The following DROSHA variants were observed in gnomAD, a reference collection of about 807,000 sequenced individuals.
DROSHA encodes ribonuclease 3.
In DROSHA, 56 loss-of-function variants were observed where a neutral mutation model predicts 181.9. The ratio of observed to expected loss-of-function variants is 0.31; its 90% confidence interval spans 0.25 to 0.38. DROSHA has a LOEUF of 0.38. Among genes scored for constraint, DROSHA ranks in the 10% least tolerant of loss-of-function variants. The pLI is 1.00. For missense variants in DROSHA, 1,218 were observed against 1,743.5 expected (o/e 0.70, Z 5.37); for synonymous variants, 524 against 591.2 (o/e 0.89, Z 1.65).
rs55865481 is a variant in DROSHA, at chr5:31,514,662, A to T, written c.1290+326T>A. Among the ~76,000 whole-genome samples the T allele has an allele frequency of 0.36, 54,935 of 151,956 alleles. 12,280 individuals are homozygous for T. The highest frequency in any genetic ancestry group is 0.5 in the Non-Finnish European group (33,807 of 67,922). On this transcript the variant is annotated intron_variant, in intron 8 of 35. Transcript: ENST00000344624. This position sits in a 1 kb window ranked among gnomAD's most constrained non-coding sequence, Gnocchi z 4.4. ...CCTGTCTCAAAAATAAATAAATAAA[A>T]ATGCATTATAAAAAGATATTTTAAT...
In DROSHA at chr5:31,521,186, C is replaced by T. The variant is rs766534905; in HGVS notation, c.884G>A (p.Arg295Gln). 2.5e-6 allele frequency: 4 copies of T among 1,613,618 alleles called. No individual in the cohort carries two copies. The highest frequency in any genetic ancestry group is 1.7e-6 in the Non-Finnish European group (2 of 1,179,654). ...CAGAGATGGTGATCTTCGGTTGTCT[C>T]GATGCCTGTGTCTCTCCCGTTCTCG... is the stretch of plus-strand genomic sequence containing the variant. ...RERERERHRH[R>Q]DNRRSPSLER... The change falls in exon 6 of 36, where the codon CGA becomes CAA. Residue 295 changes from arginine (R) to glutamine (Q), a missense_variant. Arg to Gln is a conservative substitution (Grantham distance 43, BLOSUM62 1). Transcript: ENST00000344624.
chr5:31,496,295 G>C (rs569813560), intron 11 of DROSHA, among the ~76,000 whole-genome samples: 3 of 152,300 alleles, frequency 2.0e-5, no homozygotes, highest in African/African-American at 7.2e-5. Flanking sequence ...TGGTGTGGTG[G>C]TGCATGCCTG....
At chr5:31,410,927 A>G in intron 30 of DROSHA, 40 bp from the exon 31 acceptor site, 1 of 1,610,744 alleles carries the variant, frequency 6.2e-7, no homozygotes, top group South Asian at 1.1e-5. Context: ...AACACATTTC[A>G]CTTTTGACCT....
At chr5:31,516,295 T>C (rs1206839602) in intron 6 of DROSHA, among the ~76,000 whole-genome samples, 1 of 152,200 alleles carries the variant, frequency 6.6e-6, no homozygotes, top group Non-Finnish European at 1.5e-5. Flanking sequence ...TAGATTTTAA[T>C]TTAAGCCCAA....
intron 17 of DROSHA, among the ~76,000 whole-genome samples, chr5:31,471,041 C>A (rs542297169): frequency 8.6e-5 from 13 of 151,986 alleles, no homozygotes; most frequent in Non-Finnish European, 5.9e-5. Context: ...AAAAATTATA[C>A]GATTTTCTGG....
At chr5:31,485,899 T>A (rs929394585) in intron 14 of DROSHA, among the ~76,000 whole-genome samples, 10 of 152,130 alleles carry the variant, frequency 6.6e-5, no homozygotes, top group Non-Finnish European at 1.5e-4. Flanking sequence ...CACAAGCTTG[T>A]TTGCTGTCTA....
At position 31,437,241 on chromosome 5, in the gene DROSHA, G is replaced by A; in HGVS notation, c.2940C>T (p.Thr980=). 1.3e-6 allele frequency: 2 copies of A among 1,572,288 alleles called. No individual in the cohort carries two copies. Among genetic ancestry groups the A allele is most frequent in the Non-Finnish European group, 1.7e-6 (2 of 1,157,582 alleles). ...AAAAAACAAAAAAGCCTAATTACCTGGTCAGAAATTCAACAACAGCATCAC... is the reference window on the plus strand; with the variant it reads ...AAAAAACAAAAAAGCCTAATTACCTAGTCAGAAATTCAACAACAGCATCAC... The part of the protein sequence containing the change: ...FLGDAVVEFL[T]SVHLYYLFPS... The change falls in exon 24 of 36, where the codon ACC becomes ACT. Residue 980 remains threonine, a splice_region_variant and synonymous_variant. Transcript: ENST00000344624.
At chr5:31,502,238 G>A (rs1482588013) in intron 11 of DROSHA, among the ~76,000 whole-genome samples, 1 of 152,234 alleles carries the variant, frequency 6.6e-6, no homozygotes, top group African/African-American at 2.4e-5. Context: ...AGCTGTTCCA[G>A]GCTAGAGTAC....
At position 31,409,365 on chromosome 5, in the gene DROSHA, C is replaced by T; in HGVS notation, c.3668-33G>A. 6.5e-7 allele frequency: 1 copy of T among 1,545,640 alleles called. No individual in the cohort carries two copies. Among genetic ancestry groups the T allele is most frequent in the Non-Finnish European group, 8.8e-7 (1 of 1,142,104 alleles). On this transcript the variant is annotated intron_variant, in intron 31 of 35. Coordinates refer to ENST00000344624, the MANE Select transcript of DROSHA (RefSeq NM_001382508.1). This position sits in a 1 kb window ranked among gnomAD's most constrained non-coding sequence, Gnocchi z 4.0. ...AAAAAGAATACTTTAAAATAAACCA[C>T]AATCACTGCCATCTATCAGAAAGAG... is the stretch of plus-strand genomic sequence containing the variant.
At chr5:31,466,480 G>A (rs1749025770) in intron 18 of DROSHA, 199 bp from the exon 19 acceptor site, 2 of 503,692 alleles carry the variant, frequency 4.0e-6, no homozygotes, top group Non-Finnish European at 3.6e-6. Context: ...ACTGGAACCT[G>A]GTGATTAAGT....
At chr5:31,428,868 A>G (rs1339405729) in intron 27 of DROSHA, among the ~76,000 whole-genome samples, 1 of 152,200 alleles carries the variant, frequency 6.6e-6, no homozygotes, top group Non-Finnish European at 1.5e-5. Flanking sequence ...ACTCTATTAC[A>G]TGCAGGATTA....
At chr5:31,496,855 G>A (rs776962789) in intron 11 of DROSHA, among the ~76,000 whole-genome samples, 1 of 152,244 alleles carries the variant, frequency 6.6e-6, no homozygotes, top group East Asian at 1.9e-4. Flanking sequence ...CTTTCTCACT[G>A]AGTCCCTGCA....
At chr5:31,521,000 A>C in intron 6 of DROSHA, 123 bp downstream of exon 6, 1 of 834,182 alleles carries the variant, frequency 1.2e-6, no homozygotes, top group Non-Finnish European at 1.9e-6. Context: ...TTAGCTTTTC[A>C]CAGGTCATCT....
intron 30 of DROSHA, among the ~76,000 whole-genome samples, chr5:31,419,547 C>T (rs1347848318): frequency 8.2e-6 from 1 of 122,088 alleles, no homozygotes; most frequent in African/African-American, 3.1e-5. Context: ...TTTTGGTTTC[C>T]GTACTGTTCA....
chr5:31,477,150 G>A (rs1478151335), intron 16 of DROSHA, among the ~76,000 whole-genome samples: 1 of 152,136 alleles, frequency 6.6e-6, no homozygotes, highest in Non-Finnish European at 1.5e-5. Flanking sequence ...AATGAATCTG[G>A]ACAGTCATTA....
chr5:31,448,438 C>T, intron 23 of DROSHA, 109 bp downstream of exon 23: 2 of 963,922 alleles, frequency 2.1e-6, no homozygotes, highest in East Asian at 2.6e-5. Context: ...CATGGATACA[C>T]AATTTTGTGA....
In DROSHA at chr5:31,405,723, A is replaced by G. The variant is rs1740557637; in HGVS notation, c.3948T>C (p.Ser1316=). The change falls in exon 35 of 36, where the codon AGT becomes AGC. Residue 1316 remains serine, a splice_region_variant and synonymous_variant. Coordinates refer to ENST00000344624, the MANE Select transcript of DROSHA (RefSeq NM_001382508.1). The part of the protein sequence containing the change: ...GERIGCGKGP[S]IQQAEMGAAM... Reference sequence around the variant, plus strand: ...CTGCTCCCATTTCCGCTTGCTGAATACTATTAAATAAAATAAAGTAAGACA... The same window carrying G: ...CTGCTCCCATTTCCGCTTGCTGAATGCTATTAAATAAAATAAAGTAAGACA... 2.6e-6 allele frequency: 4 copies of G among 1,529,596 alleles called. No homozygotes were observed. Among genetic ancestry groups the G allele is most frequent in the Non-Finnish European group, 3.5e-6 (4 of 1,141,762 alleles). 94.8% of individuals were successfully genotyped at this position (1,529,596 alleles called of 1,614,324 possible). A position where few individuals can be genotyped will look rare whatever the true frequency, so the allele number is the denominator to read the frequency against.
intron 16 of DROSHA, among the ~76,000 whole-genome samples, chr5:31,476,237 C>T (rs1750357833): frequency 6.6e-6 from 1 of 152,166 alleles, no homozygotes; most frequent in Non-Finnish European, 1.5e-5. Context: ...TGGTGGCAGA[C>T]TCCTGTAATC....
intron 20 of DROSHA, among the ~76,000 whole-genome samples, chr5:31,457,668 T>C (rs1747835279): frequency 6.6e-6 from 1 of 152,042 alleles, no homozygotes; most frequent in Admixed American, 6.5e-5. Flanking sequence ...GGCAAGAGGA[T>C]CACTTGAACC....
Sources: allele counts gnomAD v4.1 joint callset (sites outside exome capture counted in the v4.1 genomes callset), GRCh38; gene constraint gnomAD v4.1.1; non-coding constraint Gnocchi (gnomAD v3.1); transcripts MANE v1.5; gene names NCBI Gene and HGNC (gene_info 2026-07-23, HGNC 2026-07-21).